The following TEX14 variants were observed in gnomAD, a reference collection of about 807,000 sequenced individuals.
TEX14 encodes testis expressed 14, intercellular bridge forming factor, also known as inactive serine/threonine-protein kinase TEX14.
A neutral mutation model predicts 178.6 loss-of-function variants in TEX14; 168 were observed. The ratio of observed to expected loss-of-function variants is 0.94; its 90% CI spans 0.83 to 1.07. The LOEUF is 1.07. TEX14 is among the 50% of genes least tolerant of loss of function. TEX14 has a pLI of 0.00. For synonymous variants in TEX14, 626 were observed against 634.1 expected, an observed-to-expected ratio of 0.99 and a Z score of 0.19; for missense variants, 1,730 against 1,753.6, an observed-to-expected ratio of 0.99 and a Z score of 0.24.
intron 1 of TEX14, among the ~76,000 whole-genome samples, chr17:58,664,472 C>G (rs946469623): frequency 3.9e-5 from 6 of 152,214 alleles, no homozygotes; most frequent in Admixed American, 3.3e-4. Context: ...TCATTACTTA[C>G]ATGTAGCACA....
At chr17:58,630,740 T>C (rs1302924279) in intron 2 of TEX14, among the ~76,000 whole-genome samples, 186 bp from the exon 3 acceptor site, 1 of 152,144 alleles carries the variant, frequency 6.6e-6, no homozygotes, top group Non-Finnish European at 1.5e-5. Context: ...GCAAACTCAG[T>C]GTTTATTCAT....
At chr17:58,630,630 T>G in intron 2 of TEX14, 76 bp from the exon 3 acceptor site, 1 of 953,440 alleles carries the variant, frequency 1.0e-6, no homozygotes, top group South Asian at 1.4e-5. Flanking sequence ...GGTGGGGGAA[T>G]TACATATTTT....
chr17:58,625,297 G>A (rs2046109938), intron 3 of TEX14, among the ~76,000 whole-genome samples: 1 of 151,904 alleles, frequency 6.6e-6, no homozygotes, highest in Admixed American at 6.6e-5. Flanking sequence ...CATGCGCTCA[G>A]GTAACTTTTG....
In TEX14 at chr17:58,605,098, G is replaced by A. The variant is rs753803044; in HGVS notation, c.1216C>T (p.Arg406Ter). Residue 406 changes from arginine to a stop codon, truncating the protein, a stop_gained, in exon 11 of 32, where the codon CGA (arginine) becomes TGA (stop). Transcript: ENST00000349033. LOFTEE classifies it high-confidence loss of function. ...TATAGCTGCGTAGGAAGGGGCACTC[G>A]AGTCAGGTCCCTCTGTACACCTCTG... ...EDRGVQRDLTRVPLPTQLYNW... is the reference protein window; with the variant it reads ...EDRGVQRDLT 9.3e-6 allele frequency: 15 copies of A among 1,614,000 alleles called. No individual in the cohort carries two copies. The highest frequency in any genetic ancestry group is 5.5e-5 in the South Asian group (5 of 91,086).
intron 5 of TEX14, among the ~76,000 whole-genome samples, chr17:58,618,742 T>TA (rs1260663078): frequency 1.4e-4 from 22 of 152,258 alleles, no homozygotes; most frequent in African/African-American, 5.1e-4. Flanking sequence ...GTAAGTGCTT[T>TA]ACTTCTTTTC....
rs375211516 is a variant in TEX14 at position 58,615,610 on chromosome 17, C to T, written c.768-265G>A. On this transcript the variant is annotated intron_variant, in intron 7 of 31. Coordinates refer to ENST00000349033, the MANE Select transcript of TEX14 (RefSeq NM_031272.5). ...TTTGTATTCAAAAACACAACGTTAC[C>T]GGCAATGTGGGGAATGGGTAGGGGA... Among the ~76,000 whole-genome samples the T allele has an allele frequency of 7.9e-4, 120 of 151,722 alleles. 1 individual carries two copies. The South Asian group carries it at 0.02, about 25-fold the overall frequency.
chr17:58,630,407 C>T (rs2046259917), intron 3 of TEX14, 33 bp downstream of exon 3: 1 of 1,484,116 alleles, frequency 6.7e-7, no homozygotes, highest in African/African-American at 1.4e-5. Context: ...AGCACAACCC[C>T]TATTTTCTAG....
intron 1 of TEX14, among the ~76,000 whole-genome samples, chr17:58,683,027 T>C (rs1598438993): frequency 7.8e-6 from 1 of 128,544 alleles, no homozygotes; most frequent in South Asian, 2.4e-4. Context: ...CACTCCAGCC[T>C]GGGCGACAGT....
At chr17:58,659,424 A>C (rs372648) in intron 1 of TEX14, 177,067 of 541,074 alleles carry the variant, frequency 0.33, 29,573 homozygotes, top group Middle Eastern at 0.43. Flanking sequence ...TTCGTATGAC[A>C]CATCTCAGAC....
intron 11 of TEX14, among the ~76,000 whole-genome samples, chr17:58,604,101 A>C (rs1222293269): frequency 1.3e-5 from 2 of 152,106 alleles, no homozygotes; most frequent in East Asian, 3.9e-4. Context: ...CTCAGAGGCT[A>C]GTCTTTCCCC....
intron 14 of TEX14, among the ~76,000 whole-genome samples, chr17:58,597,865 C>T (rs1464319224): frequency 3.3e-5 from 5 of 152,146 alleles, no homozygotes; most frequent in Admixed American, 6.6e-5. Flanking sequence ...AGGAAACTCA[C>T]GGAGGAGCCT....
intron 1 of TEX14, among the ~76,000 whole-genome samples, chr17:58,673,821 C>G (rs2047343910): frequency 6.6e-6 from 1 of 152,116 alleles, no homozygotes; most frequent in Non-Finnish European, 1.5e-5. Context: ...GATCCTCCCA[C>G]CCTCCCAAAG....
rs1457150447 is a variant in TEX14, at chr17:58,656,945, A to AG, written c.-1-4944_-1-4943insC. On this transcript the variant is annotated intron_variant, in intron 1 of 31. Transcript: ENST00000349033. ...TCTCACAAAAAAAAAAAAAAAAAAA[A>AG]AAAAGAAAAAGAAAATTGGGTTTTA... is the stretch of plus-strand genomic sequence containing the variant. Among the ~76,000 whole-genome samples, 5 of 148,816 alleles carry AG rather than the reference A, an allele frequency of 3.4e-5. No individual in the cohort carries two copies. In the East Asian group the frequency reaches 5.8e-4, roughly 17 times the overall value.
At chr17:58,614,574 A>G in intron 8 of TEX14, among the ~76,000 whole-genome samples, 1 of 152,234 alleles carries the variant, frequency 6.6e-6, no homozygotes, top group South Asian at 2.1e-4. Context: ...GTCAAAGTCT[A>G]TGTTGCCCAG....
At chr17:58,607,036 A>G (rs1346984918) in intron 10 of TEX14, among the ~76,000 whole-genome samples, 1 of 145,118 alleles carries the variant, frequency 6.9e-6, no homozygotes, top group African/African-American at 2.5e-5. Context: ...AAAAAAAAAA[A>G]GGAAGGAGCT....
chr17:58,635,878 TG>T (rs1444922323), intron 2 of TEX14, among the ~76,000 whole-genome samples: 2 of 152,080 alleles, frequency 1.3e-5, no homozygotes, highest in African/African-American at 4.8e-5. Flanking sequence ...CCCCAGTAGC[TG>T]GGATCACAGG....
chr17:58,611,112 C>T, intron 10 of TEX14, 49 bp downstream of exon 10: 1 of 1,424,364 alleles, frequency 7.0e-7, no homozygotes. Context: ...GGAAGGGTCC[C>T]CAAGGGAGAT....
chr17:58,626,287 T>C (rs997439832), intron 3 of TEX14, among the ~76,000 whole-genome samples: 13 of 152,080 alleles, frequency 8.5e-5, no homozygotes, highest in Admixed American at 3.9e-4. Flanking sequence ...GCCTCCTGGC[T>C]GGGTGCGGTG....
intron 14 of TEX14, among the ~76,000 whole-genome samples, chr17:58,593,887 T>G (rs568651392): frequency 6.6e-6 from 1 of 152,048 alleles, no homozygotes. Context: ...CAGGCTGGAG[T>G]GCAGTGGCAA....
Sources: allele counts gnomAD v4.1 joint callset (sites outside exome capture counted in the v4.1 genomes callset), GRCh38; gene constraint gnomAD v4.1.1; transcripts MANE v1.5; gene names NCBI Gene and HGNC (gene_info 2026-07-23, HGNC 2026-07-21).